The following AAGAB variants were observed in gnomAD, a reference collection of about 807,000 sequenced individuals.
The protein encoded by AAGAB is alpha- and gamma-adaptin-binding protein p34.
In AAGAB, 38 loss-of-function variants were observed where a neutral mutation model predicts 44.1. That is an observed-to-expected ratio of 0.86 (90% confidence interval 0.67 to 1.13). AAGAB has a LOEUF of 1.13. Ranked by LOEUF, AAGAB falls within the 50% of genes most tolerant of loss-of-function variation. The probability of loss-of-function intolerance (pLI) is 0.00; values close to 1 mark genes in which losing one functional copy is unlikely to be tolerated. For missense variants in AAGAB, 450 were observed against 373.8 expected, an observed-to-expected ratio of 1.20 and a Z score of -1.68; for synonymous variants, 131 against 131.8, an observed-to-expected ratio of 0.99 and a Z score of 0.04.
At chr15:67,234,069 C>T (rs1219923659) in intron 4 of AAGAB, among the ~76,000 whole-genome samples, 4 of 147,736 alleles carry the variant, frequency 2.7e-5, no homozygotes, top group Non-Finnish European at 5.9e-5. Flanking sequence ...GGTGAAACAC[C>T]GTCTCTACTA....
chr15:67,207,341 C>T (rs932948232), intron 7 of AAGAB, among the ~76,000 whole-genome samples: 6 of 152,140 alleles, frequency 3.9e-5, no homozygotes, highest in African/African-American at 7.2e-5. Context: ...TACTAATACA[C>T]GCATATACAC....
chr15:67,224,585 C>CTTT (rs892410820), intron 5 of AAGAB, among the ~76,000 whole-genome samples: 2 of 138,828 alleles, frequency 1.4e-5, no homozygotes, highest in African/African-American at 2.6e-5. Flanking sequence ...TTTTTCTTTT[C>CTTT]TTTTTTTTTT....
chr15:67,241,311 T>C (rs1282589472), intron 1 of AAGAB, among the ~76,000 whole-genome samples: 2 of 152,206 alleles, frequency 1.3e-5, no homozygotes, highest in African/African-American at 4.8e-5. Context: ...ATATTTTCTA[T>C]GCCCTGAGGG....
At chr15:67,203,681 C>T (rs1040305531) in intron 8 of AAGAB, 84 bp from the exon 9 acceptor site, 14 of 1,232,986 alleles carry the variant, frequency 1.1e-5, no homozygotes, top group East Asian at 4.7e-5. Context: ...AGATGGGAGA[C>T]GGGTTTCAAA....
chr15:67,223,314 A>G (rs1377656869), intron 5 of AAGAB, among the ~76,000 whole-genome samples: 4 of 152,192 alleles, frequency 2.6e-5, no homozygotes, highest in Admixed American at 2.6e-4. Context: ...TGGAGGTCTC[A>G]GTAGCCATGT....
chr15:67,214,383 C>T (rs1963893152), intron 5 of AAGAB, among the ~76,000 whole-genome samples: 1 of 152,210 alleles, frequency 6.6e-6, no homozygotes, highest in Non-Finnish European at 1.5e-5. Context: ...GCTCCATTAT[C>T]TCTTCACTGT....
intron 4 of AAGAB, among the ~76,000 whole-genome samples, chr15:67,233,773 A>T (rs1209559396): frequency 6.6e-6 from 1 of 152,096 alleles, no homozygotes; most frequent in Non-Finnish European, 1.5e-5. Flanking sequence ...TACTAATGTA[A>T]CCTTCCCCCT....
At position 67,231,664 on chromosome 15, in the gene AAGAB, G is replaced by A. The variant is rs1176450951; in HGVS notation, c.535+150C>T. On this transcript the variant is annotated intron_variant, in intron 5 of 9. Transcript: ENST00000261880. ...ACGTATATGAAAAATTCCTAGAAAT[G>A]CTACTTTTGGCGCTTCCTTCAATCA... 4.9e-6 allele frequency: 3 copies of A among 615,452 alleles called. No individual in the cohort carries two copies. The African/African-American group carries it at 5.6e-5, about 11-fold the overall frequency. 38.1% of individuals were successfully genotyped at this position (615,452 alleles called of 1,614,324 possible).
chr15:67,251,744 C>T (rs919126968), intron 1 of AAGAB, among the ~76,000 whole-genome samples: 2 of 152,202 alleles, frequency 1.3e-5, no homozygotes, highest in Non-Finnish European at 2.9e-5. Flanking sequence ...AACTATTCCA[C>T]GGCCTAATAT....
At chr15:67,212,003 C>T (rs907842616) in intron 5 of AAGAB, among the ~76,000 whole-genome samples, 1 of 152,166 alleles carries the variant, frequency 6.6e-6, no homozygotes, top group Non-Finnish European at 1.5e-5. Flanking sequence ...CCTCAGCCTC[C>T]CGAGTAGCCG....
chr15:67,210,129 G>A (rs930935053), intron 5 of AAGAB, among the ~76,000 whole-genome samples: 2 of 152,124 alleles, frequency 1.3e-5, no homozygotes, highest in Non-Finnish European at 2.9e-5. Flanking sequence ...ATATTCCATT[G>A]TTTTAAATAA....
At chr15:67,225,374 G>T (rs998350646) in intron 5 of AAGAB, among the ~76,000 whole-genome samples, 6 of 152,010 alleles carry the variant, frequency 3.9e-5, no homozygotes, top group Non-Finnish European at 8.8e-5. Context: ...ATCATTGGTG[G>T]TATCATTTCC....
intron 5 of AAGAB, among the ~76,000 whole-genome samples, chr15:67,212,495 G>C (rs1963847602): frequency 6.6e-6 from 1 of 152,138 alleles, no homozygotes; most frequent in East Asian, 1.9e-4. Context: ...CTACCTGTAT[G>C]ACCTTAGACA....
Position 67,202,903 on chromosome 15 carries a change from G to C in AAGAB, c.871-5C>G, listed in dbSNP as rs758781083. 2 of 1,613,948 alleles carry C rather than the reference G, an allele frequency of 1.2e-6. No homozygotes were observed. The highest frequency in any genetic ancestry group is 1.7e-6 in the Non-Finnish European group (2 of 1,179,888). On this transcript the variant is annotated splice_polypyrimidine_tract_variant and splice_region_variant and intron_variant, in intron 9 of 9. Transcript: ENST00000261880. ...CATCCAGAATGCTTTGGCCACCTGTGGAGAGAAGCATGCAACAAATTTTAG... is the reference window on the plus strand; with the variant it reads ...CATCCAGAATGCTTTGGCCACCTGTCGAGAGAAGCATGCAACAAATTTTAG...
intron 5 of AAGAB, among the ~76,000 whole-genome samples, chr15:67,226,355 C>G (rs1185101030): frequency 6.6e-6 from 1 of 152,122 alleles, no homozygotes; most frequent in African/African-American, 2.4e-5. Context: ...TGCCTGACCT[C>G]AAACAATCCT....
intron 4 of AAGAB, chr15:67,232,639 G>A (rs181902213): frequency 8.1e-5 from 27 of 332,328 alleles, no homozygotes; most frequent in African/African-American, 5.6e-4. Flanking sequence ...TTTGGTGGTG[G>A]CAAGACTACT....
intron 5 of AAGAB, among the ~76,000 whole-genome samples, chr15:67,222,280 A>C (rs958194477): frequency 2.7e-5 from 4 of 146,894 alleles, no homozygotes; most frequent in East Asian, 2.1e-4. Context: ...ACACACACAC[A>C]CACCCTCCAC....
chr15:67,236,570 GA>G, intron 2 of AAGAB, 59 bp downstream of exon 2: 4 of 1,600,220 alleles, frequency 2.5e-6, no homozygotes, highest in South Asian at 1.1e-5. Flanking sequence ...AATGTAATGG[GA>G]AAAAAAGAAG....
At chr15:67,222,677 A>G (rs962790506) in intron 5 of AAGAB, among the ~76,000 whole-genome samples, 9 of 152,016 alleles carry the variant, frequency 5.9e-5, no homozygotes, top group African/African-American at 2.2e-4. Flanking sequence ...TACCTACTCA[A>G]GGAAGTCACT....
Sources: allele counts gnomAD v4.1 joint callset (sites outside exome capture counted in the v4.1 genomes callset), GRCh38; gene constraint gnomAD v4.1.1; transcripts MANE v1.5; gene names NCBI Gene and HGNC (gene_info 2026-07-23, HGNC 2026-07-21).